The following CTBP2 variants were observed in gnomAD, a reference collection of about 807,000 sequenced individuals.
CTBP2 encodes C-terminal binding protein 2, also known as C-terminal-binding protein 2.
A neutral mutation model predicts 80.3 loss-of-function variants in CTBP2; 30 were observed. The ratio of observed to expected loss-of-function variants is 0.37; its 90% confidence interval spans 0.28 to 0.51. The LOEUF is 0.51. CTBP2 is among the 20% of genes least tolerant of loss of function. CTBP2 has a pLI of 0.93. For synonymous variants in CTBP2, 594 were observed against 587.4 expected, an observed-to-expected ratio of 1.01 and a Z score of -0.16; for missense variants, 1,212 against 1,375.3, an observed-to-expected ratio of 0.88 and a Z score of 1.88.
At position 124,989,369 on chromosome 10, in the gene CTBP2, C is replaced by G. The variant is rs75821318; in HGVS notation, c.*149G>C. On this transcript the variant is annotated 3_prime_UTR_variant, in exon 9 of 9. Coordinates refer to ENST00000309035, the MANE Select transcript of CTBP2 (RefSeq NM_022802.3). ...GCAGACGACATCTTCAGTTTTCTAG[C>G]TCTTGTAGTTTCAACACTGCAACAT... 1 of 904,036 alleles carries G rather than the reference C, an allele frequency of 1.1e-6. No homozygotes were observed. Among genetic ancestry groups the G allele is most frequent in the Non-Finnish European group, 1.8e-6 (1 of 555,690 alleles). 56.0% of individuals were successfully genotyped at this position (904,036 alleles called of 1,614,324 possible). A position where few individuals can be genotyped will look rare whatever the true frequency, so the allele number is the denominator to read the frequency against.
At chr10:125,068,130 G>A (rs948080945) in intron 2 of CTBP2, among the ~76,000 whole-genome samples, 2 of 152,134 alleles carry the variant, frequency 1.3e-5, no homozygotes, top group African/African-American at 2.4e-5. Context: ...TTCACCATGC[G>A]GCCCAGGCCC....
At chr10:125,034,564 T>C (rs1077497) in intron 3 of CTBP2, among the ~76,000 whole-genome samples, 14,788 of 152,250 alleles carry the variant, frequency 0.097, 802 homozygotes, top group South Asian at 0.2. Context: ...TATAGCAACA[T>C]TATGAATCCC....
chr10:125,103,090 G>A (rs947283078), intron 2 of CTBP2, among the ~76,000 whole-genome samples: 5 of 152,108 alleles, frequency 3.3e-5, no homozygotes, highest in Admixed American at 6.6e-5. Context: ...TCAAGAACAC[G>A]GCGTGATTAT....
At chr10:125,154,564 A>G (rs1441616713) in intron 1 of CTBP2, among the ~76,000 whole-genome samples, 1 of 152,290 alleles carries the variant, frequency 6.6e-6, no homozygotes, top group Non-Finnish European at 1.5e-5. Flanking sequence ...AAACAGCTAA[A>G]GCAGATCACT....
intron 1 of CTBP2, chr10:125,006,048 T>A: frequency 7.4e-7 from 1 of 1,357,770 alleles, no homozygotes; most frequent in Non-Finnish European, 9.5e-7. Flanking sequence ...AGTGCATGGA[T>A]CCGTTACCAG....
upstream of CTBP2, among the ~76,000 whole-genome samples, chr10:125,029,048 T>G (rs2363892): frequency 5.3e-5 from 8 of 152,258 alleles, no homozygotes; most frequent in African/African-American, 1.9e-4. Context: ...AAAGAATTCA[T>G]AGCAAAAATA....
intron 2 of CTBP2, among the ~76,000 whole-genome samples, chr10:125,040,249 G>A (rs949646208): frequency 6.6e-6 from 1 of 152,136 alleles, no homozygotes; most frequent in Non-Finnish European, 1.5e-5. Context: ...GAGGTCAGGA[G>A]TTCGAGACCA....
At chr10:125,030,412 TAAC>T (rs764900211), upstream of CTBP2, among the ~76,000 whole-genome samples, 32 of 152,298 alleles carry the variant, frequency 2.1e-4, no homozygotes, top group Middle Eastern at 3.4e-3. Context: ...AGGTGTCAAT[TAAC>T]AACAGAGACC....
intron 1 of CTBP2, among the ~76,000 whole-genome samples, chr10:125,134,920 C>G (rs907225620): frequency 1.3e-5 from 2 of 151,328 alleles, no homozygotes; most frequent in African/African-American, 4.9e-5. Context: ...ACTCAACCCT[C>G]AATAATACTA....
chr10:125,007,219 T>C (rs1955365508), intron 1 of CTBP2, among the ~76,000 whole-genome samples: 1 of 152,244 alleles, frequency 6.6e-6, no homozygotes, highest in Admixed American at 6.5e-5. Context: ...ATTAACTGTG[T>C]AGAGCAGAAA....
At chr10:125,158,075 G>A (rs1315113729) in intron 1 of CTBP2, among the ~76,000 whole-genome samples, 8 of 151,892 alleles carry the variant, frequency 5.3e-5, no homozygotes, top group African/African-American at 1.9e-4. Flanking sequence ...TATAATTGCT[G>A]TAAGAAGTAT....
At chr10:125,150,675 T>C (rs183241075) in intron 1 of CTBP2, among the ~76,000 whole-genome samples, 1 of 150,544 alleles carries the variant, frequency 6.6e-6, no homozygotes, top group Admixed American at 6.6e-5. Context: ...GCGCTGTGCT[T>C]GGCCAGGGCT....
chr10:125,102,937 G>A (rs957163932), intron 2 of CTBP2, among the ~76,000 whole-genome samples: 3 of 152,158 alleles, frequency 2.0e-5, no homozygotes, highest in Admixed American at 6.5e-5. Context: ...CCTCACCTAC[G>A]AGGCTGCCGC....
intron 2 of CTBP2, among the ~76,000 whole-genome samples, chr10:125,080,234 C>T (rs957217068): frequency 2.6e-5 from 4 of 152,064 alleles, no homozygotes; most frequent in African/African-American, 9.7e-5. Flanking sequence ...CTTAGGGGAA[C>T]AGCAGTCAAA....
intron 1 of CTBP2, among the ~76,000 whole-genome samples, chr10:125,152,723 A>G (rs1173357371): frequency 6.6e-6 from 1 of 152,178 alleles, no homozygotes; most frequent in Admixed American, 6.5e-5. Context: ...TCTATTCCGT[A>G]ATCTGAAAGC....
At chr10:125,002,459 C>T (rs1280901233) in intron 3 of CTBP2, among the ~76,000 whole-genome samples, 1 of 152,228 alleles carries the variant, frequency 6.6e-6, no homozygotes, top group Non-Finnish European at 1.5e-5. Flanking sequence ...TGGGCAGGGG[C>T]CCACCTGCTT....
At chr10:125,153,603 G>A (rs967162512) in intron 1 of CTBP2, among the ~76,000 whole-genome samples, 2 of 152,070 alleles carry the variant, frequency 1.3e-5, no homozygotes, top group African/African-American at 4.8e-5. Flanking sequence ...CCCTCCCGCT[G>A]CCACACACAC....
In CTBP2 at chr10:125,026,307, T is replaced by C; in HGVS notation, c.1453A>G (p.Thr485Ala). Residue 485 changes from threonine to alanine, a missense_variant, in exon 1 of 9, where the codon ACG (threonine) becomes GCG (alanine). By Grantham distance (58) the Thr-to-Ala change is moderately conservative (BLOSUM62 0). Transcript: ENST00000309035. ...CTCTTTAGCAGCTCCATGGGCACCG[T>C]GTATGCCGTGGAGTAGGCTGTTCTG... 1 of 1,613,750 alleles carries C rather than the reference T, an allele frequency of 6.2e-7. No individual in the cohort carries two copies.
At chr10:125,136,029 G>C (rs536707890) in intron 1 of CTBP2, among the ~76,000 whole-genome samples, 1 of 152,356 alleles carries the variant, frequency 6.6e-6, no homozygotes, top group Non-Finnish European at 1.5e-5. Flanking sequence ...CTACCTGGTT[G>C]TTCATTAGAG....
Sources: gnomAD v4.1 joint callset for allele counts (sites outside exome capture counted in the v4.1 genomes callset) on GRCh38, gnomAD v4.1.1 for gene constraint, MANE v1.5 for transcripts, NCBI Gene and HGNC (gene_info 2026-07-23, HGNC 2026-07-21) for gene names.